EPHA6: variants seen among roughly 807,000 people sequenced by gnomAD.
EPHA6 encodes EPH receptor A6.
Under a neutral mutation model 112.0 loss-of-function variants are expected in EPHA6, and 50 were observed. The ratio of observed to expected loss-of-function variants is 0.45; its 90% confidence interval spans 0.36 to 0.56. The LOEUF (loss-of-function observed/expected upper bound fraction) is 0.56, where lower values mean the gene tolerates loss of function less well. Among genes scored for constraint, EPHA6 ranks in the 20% least tolerant of loss-of-function variants. The probability of loss-of-function intolerance (pLI) is 0.00; values close to 1 mark genes in which losing one functional copy is unlikely to be tolerated. For synonymous variants in EPHA6, 529 were observed against 490.7 expected (o/e 1.08, Z -1.03); for missense variants, 1,280 against 1,417.4 (o/e 0.90, Z 1.56).
chr3:97,543,336 A>G (rs1295651163), intron 11 of EPHA6, among the ~76,000 whole-genome samples: 1 of 152,152 alleles, frequency 6.6e-6, no homozygotes, highest in Non-Finnish European at 1.5e-5. Flanking sequence ...TCCCAGCACC[A>G]TTTATTAAAT....
chr3:97,070,977 G>T (rs2046331733), intron 3 of EPHA6, among the ~76,000 whole-genome samples: 1 of 152,024 alleles, frequency 6.6e-6, no homozygotes, highest in African/African-American at 2.4e-5. Context: ...AACTTTTGTA[G>T]TATAGATTTT....
At chr3:97,443,618 A>G (rs1051486121) in intron 6 of EPHA6, among the ~76,000 whole-genome samples, 9 of 152,146 alleles carry the variant, frequency 5.9e-5, no homozygotes, top group Admixed American at 2.6e-4. Flanking sequence ...ATATCTGCCT[A>G]TATGACATAA....
chr3:97,683,770 C>T (rs2032041894), intron 14 of EPHA6, among the ~76,000 whole-genome samples: 1 of 152,146 alleles, frequency 6.6e-6, no homozygotes, highest in African/African-American at 2.4e-5. Flanking sequence ...TTCGGTTTAG[C>T]TCTCTTTCTG....
Position 97,226,358 on chromosome 3 carries a change from C to G in EPHA6, c.1209C>G (p.Val403=). 6.2e-7 allele frequency: 1 copy of G among 1,613,764 alleles called. No individual in the cohort carries two copies. Among genetic ancestry groups the G allele is most frequent in the Non-Finnish European group, 8.5e-7 (1 of 1,179,720 alleles). The part of the protein sequence containing the change: ...HSLTYMEATS[V]CQCEKGYFRA... Reference sequence around the variant, plus strand: ...TAACATACATGGAAGCAACTTCTGTCTGTCAGTGTGAAAAGGGTTATTTCC... The same window carrying G: ...TAACATACATGGAAGCAACTTCTGTGTGTCAGTGTGAAAAGGGTTATTTCC... Residue 403 remains valine, a synonymous_variant, in exon 4 of 18, where the codon GTC becomes GTG. Transcript: ENST00000389672.
At chr3:97,061,465 A>G (rs193203003) in intron 3 of EPHA6, among the ~76,000 whole-genome samples, 3 of 152,320 alleles carry the variant, frequency 2.0e-5, no homozygotes, top group Admixed American at 1.3e-4. Context: ...CCTCAAGTAG[A>G]TGTTGATCAG....
intron 14 of EPHA6, among the ~76,000 whole-genome samples, chr3:97,712,012 T>A (rs1411895708): frequency 1.3e-5 from 2 of 152,220 alleles, no homozygotes; most frequent in East Asian, 3.8e-4. Context: ...TATAAAACTG[T>A]CAAATGTTAT....
At chr3:96,886,129 TGAATAGA>T (rs1483667406) in intron 2 of EPHA6, among the ~76,000 whole-genome samples, 2 of 152,172 alleles carry the variant, frequency 1.3e-5, no homozygotes, top group Non-Finnish European at 2.9e-5. Context: ...CATGTGCTGT[TGAATAGA>T]ATGTGTATTC....
chr3:96,902,122 A>G (rs2038646697), intron 2 of EPHA6, among the ~76,000 whole-genome samples: 1 of 152,188 alleles, frequency 6.6e-6, no homozygotes, highest in African/African-American at 2.4e-5. Context: ...AAGGCCATGG[A>G]AAGGACAAGG....
intron 7 of EPHA6, among the ~76,000 whole-genome samples, chr3:97,465,347 A>C (rs111867333): frequency 6.6e-6 from 1 of 152,092 alleles, no homozygotes; most frequent in Non-Finnish European, 1.5e-5. Context: ...ATACTGTGCC[A>C]AAAACCTTCT....
intron 10 of EPHA6, among the ~76,000 whole-genome samples, chr3:97,505,346 C>T (rs569779643): frequency 4.6e-5 from 7 of 151,884 alleles, no homozygotes; most frequent in Admixed American, 6.6e-5. Context: ...CCTAGCCCCC[C>T]ACCCCCGACA....
intron 2 of EPHA6, among the ~76,000 whole-genome samples, chr3:96,969,040 A>T (rs1237876814): frequency 6.6e-6 from 1 of 151,936 alleles, no homozygotes; most frequent in Non-Finnish European, 1.5e-5. Flanking sequence ...AAATTAAAAA[A>T]TAGAATGTAG....
chr3:97,463,495 A>G (rs918665706), intron 7 of EPHA6, among the ~76,000 whole-genome samples: 2 of 152,190 alleles, frequency 1.3e-5, no homozygotes, highest in African/African-American at 4.8e-5. Flanking sequence ...ATGCACATGT[A>G]TGTGCCATCT....
At chr3:96,831,774 A>C (rs546435239) in intron 1 of EPHA6, among the ~76,000 whole-genome samples, 2 of 152,256 alleles carry the variant, frequency 1.3e-5, no homozygotes, top group South Asian at 4.1e-4. Context: ...TAACATAAAC[A>C]GAAAATAAAT....
chr3:96,834,419 G>A, intron 1 of EPHA6, among the ~76,000 whole-genome samples: 1 of 151,928 alleles, frequency 6.6e-6, no homozygotes, highest in South Asian at 2.1e-4. Flanking sequence ...AGTGAAAGAA[G>A]AATTAGAAGT....
intron 3 of EPHA6, among the ~76,000 whole-genome samples, chr3:97,068,197 A>T (rs1433260663): frequency 6.6e-6 from 1 of 151,598 alleles, no homozygotes; most frequent in Non-Finnish European, 1.5e-5. Flanking sequence ...AGGGATAAAG[A>T]ATCATTTTGG....
chr3:97,701,183 G>A (rs1050212408), intron 14 of EPHA6, among the ~76,000 whole-genome samples: 1 of 152,116 alleles, frequency 6.6e-6, no homozygotes, highest in Non-Finnish European at 1.5e-5. Context: ...AATAGAGGAG[G>A]ACAAATGTCC....
intron 7 of EPHA6, among the ~76,000 whole-genome samples, chr3:97,449,160 G>A (rs1311844446): frequency 6.6e-6 from 1 of 152,088 alleles, no homozygotes; most frequent in East Asian, 1.9e-4. Flanking sequence ...CACATTATAG[G>A]TTTAAATACA....
At chr3:97,539,315 T>C (rs1022694598) in intron 11 of EPHA6, among the ~76,000 whole-genome samples, 3 of 151,722 alleles carry the variant, frequency 2.0e-5, no homozygotes, top group African/African-American at 7.3e-5. Flanking sequence ...GCCTGGCTAA[T>C]TTTTGTATTT....
At chr3:96,990,703 T>C (rs1027957142) in intron 3 of EPHA6, among the ~76,000 whole-genome samples, 2 of 152,160 alleles carry the variant, frequency 1.3e-5, no homozygotes, top group Non-Finnish European at 2.9e-5. Flanking sequence ...ACCACCAGTG[T>C]TCATTTTAGA....
Sources: gnomAD v4.1 joint callset for allele counts (sites outside exome capture counted in the v4.1 genomes callset) on GRCh38, gnomAD v4.1.1 for gene constraint, MANE v1.5 for transcripts, NCBI Gene and HGNC (gene_info 2026-07-23, HGNC 2026-07-21) for gene names.